Variants in CNTNAP4 observed in about 807,000 individuals in gnomAD.
CNTNAP4 encodes contactin-associated protein-like 4.
A neutral mutation model predicts 148.4 loss-of-function variants in CNTNAP4; 98 were observed. That is an observed-to-expected ratio of 0.66 (90% CI 0.56 to 0.78). The LOEUF (loss-of-function observed/expected upper bound fraction) is 0.78, where lower values mean the gene tolerates loss of function less well. Ranked by LOEUF, CNTNAP4 falls within the 30% of genes least tolerant of loss-of-function variation. The probability of loss-of-function intolerance (pLI) is 0.00; values close to 1 mark genes in which losing one functional copy is unlikely to be tolerated. For missense variants in CNTNAP4, 1,935 were observed against 1,565.6 expected, an observed-to-expected ratio of 1.24 and a Z score of -3.98; for synonymous variants, 730 against 565.1, an observed-to-expected ratio of 1.29 and a Z score of -4.14.
chr16:76,379,027 C>A (rs2015706552), intron 3 of CNTNAP4, among the ~76,000 whole-genome samples: 1 of 152,152 alleles, frequency 6.6e-6, no homozygotes. Context: ...ACTCAGTTTC[C>A]TCATCTGTAA....
intron 2 of CNTNAP4, among the ~76,000 whole-genome samples, chr16:76,330,209 C>T (rs1400788804): frequency 6.6e-6 from 1 of 152,084 alleles, no homozygotes; most frequent in Non-Finnish European, 1.5e-5. Context: ...ACCATAGTTT[C>T]AAATTCTTAG....
intron 15 of CNTNAP4, among the ~76,000 whole-genome samples, chr16:76,514,190 G>C (rs2083143681): frequency 6.6e-6 from 1 of 152,122 alleles, no homozygotes; most frequent in South Asian, 2.1e-4. Context: ...CCTCTTTGTT[G>C]TCACTCTGAC....
intron 3 of CNTNAP4, among the ~76,000 whole-genome samples, chr16:76,420,238 T>C: frequency 6.6e-6 from 1 of 151,964 alleles, no homozygotes; most frequent in Non-Finnish European, 1.5e-5. Flanking sequence ...ATGTATATTC[T>C]GTAGAATATA....
intron 23 of CNTNAP4, among the ~76,000 whole-genome samples, chr16:76,554,248 T>C (rs987901180): frequency 1.1e-4 from 16 of 152,162 alleles, no homozygotes; most frequent in Non-Finnish European, 1.8e-4. Flanking sequence ...GTAAATTTCG[T>C]TTTTCTTCAC....
In CNTNAP4 at chr16:76,486,571, C is replaced by T. The variant is rs78509822; in HGVS notation, c.1883-3115C>T. On this transcript the variant is annotated intron_variant, in intron 12 of 23. Coordinates refer to ENST00000611870, the MANE Select transcript of CNTNAP4 (RefSeq NM_033401.5). ...TCTAGACAAAGACAAAAAAAAAAGTCTGGCAACCTACGTTAAAGGATGATT... is the reference window on the plus strand; with the variant it reads ...TCTAGACAAAGACAAAAAAAAAAGTTTGGCAACCTACGTTAAAGGATGATT... 4.7e-3 allele frequency among the ~76,000 whole-genome samples: 716 copies of T among 152,226 alleles called. 2 individuals carry two copies. Among genetic ancestry groups the T allele is most frequent in the Non-Finnish European group, 7.5e-3 (513 of 68,002 alleles).
chr16:76,522,370 C>G, intron 17 of CNTNAP4, 113 bp downstream of exon 17: 1 of 887,634 alleles, frequency 1.1e-6, no homozygotes, highest in South Asian at 1.7e-5. Flanking sequence ...GCAATAATAA[C>G]AAATCACCAT....
chr16:76,521,202 C>T lies in CNTNAP4; in HGVS notation c.2428C>T (p.His810Tyr). 9.3e-6 allele frequency: 15 copies of T among 1,611,738 alleles called. No individual in the cohort carries two copies. The highest frequency in any genetic ancestry group is 1.3e-5 in the Non-Finnish European group (15 of 1,179,204). The change falls in exon 16 of 24, where the codon CAC becomes TAC. Residue 810 changes from histidine to tyrosine, a missense_variant. Physicochemically the swap from His to Tyr is moderately conservative, Grantham distance 83. Coordinates refer to ENST00000611870, the MANE Select transcript of CNTNAP4 (RefSeq NM_033401.5). ...EASYLHFPTF[H>Y]GELSADVSFF... ...TTCATATCTTCATTTTCCTACCTTCCACGGAGAACTTAGCGCGGATGTATC... is the reference window on the plus strand; with the variant it reads ...TTCATATCTTCATTTTCCTACCTTCTACGGAGAACTTAGCGCGGATGTATC...
chr16:76,432,211 T>A (rs2079637111), intron 4 of CNTNAP4, among the ~76,000 whole-genome samples: 1 of 152,176 alleles, frequency 6.6e-6, no homozygotes, highest in Non-Finnish European at 1.5e-5. Context: ...GCCTAATACA[T>A]GTTTGCTGAA....
At chr16:76,303,976 CT>C (rs1373308848) in intron 1 of CNTNAP4, among the ~76,000 whole-genome samples, 1 of 151,928 alleles carries the variant, frequency 6.6e-6, no homozygotes, top group African/African-American at 2.4e-5. Context: ...ATCTACAAAA[CT>C]TTTATTCAGT....
intron 8 of CNTNAP4, among the ~76,000 whole-genome samples, chr16:76,456,900 G>A (rs969096258): frequency 1.3e-5 from 2 of 152,062 alleles, no homozygotes; most frequent in African/African-American, 4.8e-5. Flanking sequence ...TCCTCTCTGA[G>A]CCTCATTTTC....
intron 2 of CNTNAP4, among the ~76,000 whole-genome samples, chr16:76,349,338 C>G (rs1008526664): frequency 2.6e-5 from 4 of 152,272 alleles, no homozygotes; most frequent in African/African-American, 9.6e-5. Flanking sequence ...ATCCCTGAAA[C>G]AATCACTGTG....
At chr16:76,385,013 A>G (rs987854045) in intron 3 of CNTNAP4, among the ~76,000 whole-genome samples, 1 of 152,230 alleles carries the variant, frequency 6.6e-6, no homozygotes, top group Admixed American at 6.5e-5. Context: ...AGCCTAAGGT[A>G]TAAATATAGT....
chr16:76,357,077 A>C (rs74026730), intron 3 of CNTNAP4, among the ~76,000 whole-genome samples: 277 of 151,974 alleles, frequency 1.8e-3, no homozygotes, highest in African/African-American at 6.4e-3. Flanking sequence ...ACACACACAC[A>C]CACACCCCAA....
chr16:76,430,965 G>C (rs1031455222), intron 4 of CNTNAP4, among the ~76,000 whole-genome samples: 15 of 152,090 alleles, frequency 9.9e-5, no homozygotes, highest in African/African-American at 3.4e-4. Flanking sequence ...TAGGTATGGG[G>C]TATAGGGAGA....
At chr16:76,350,163 C>G (rs1006844859) in intron 2 of CNTNAP4, among the ~76,000 whole-genome samples, 2 of 151,964 alleles carry the variant, frequency 1.3e-5, no homozygotes, top group Non-Finnish European at 2.9e-5. Context: ...ATAAAATATA[C>G]TACTATGAGT....
intron 7 of CNTNAP4, 29 bp downstream of exon 7, chr16:76,449,887 A>C: frequency 6.4e-7 from 1 of 1,565,576 alleles, no homozygotes; most frequent in South Asian, 1.2e-5. Context: ...AGACATTAGT[A>C]AAACTATATT....
At chr16:76,300,441 C>A (rs948937549) in intron 1 of CNTNAP4, among the ~76,000 whole-genome samples, 1 of 151,936 alleles carries the variant, frequency 6.6e-6, no homozygotes, top group Non-Finnish European at 1.5e-5. Flanking sequence ...GGAGAAATAC[C>A]TAATGTAGAT....
At chr16:76,401,699 T>C (rs1211762124) in intron 3 of CNTNAP4, among the ~76,000 whole-genome samples, 1 of 152,212 alleles carries the variant, frequency 6.6e-6, no homozygotes, top group Non-Finnish European at 1.5e-5. Flanking sequence ...ATAGCTTTTA[T>C]TTTGAAGTAT....
At chr16:76,470,818 T>G (rs1335873411) in intron 10 of CNTNAP4, among the ~76,000 whole-genome samples, 1 of 152,102 alleles carries the variant, frequency 6.6e-6, no homozygotes, top group Non-Finnish European at 1.5e-5. Flanking sequence ...ATGCTCACAT[T>G]CATACCACAT....
Sources: allele counts gnomAD v4.1 joint callset (sites outside exome capture counted in the v4.1 genomes callset), GRCh38; gene constraint gnomAD v4.1.1; transcripts MANE v1.5; gene names NCBI Gene and HGNC (gene_info 2026-07-23, HGNC 2026-07-21).